The following BROX variants were observed in gnomAD, a reference collection of about 807,000 sequenced individuals.
BROX encodes the protein BRO1 domain and CAAX motif containing.
Under a neutral mutation model 61.0 loss-of-function variants are expected in BROX, and 53 were observed. The ratio of observed to expected loss-of-function variants is 0.87; its 90% CI spans 0.70 to 1.09. BROX has a LOEUF of 1.09. BROX is among the 50% of genes least tolerant of loss of function. The probability of loss-of-function intolerance (pLI) is 0.00; values close to 1 mark genes in which losing one functional copy is unlikely to be tolerated. For synonymous variants in BROX, 152 were observed against 160.2 expected (o/e 0.95, Z 0.38); for missense variants, 489 against 472.0 (o/e 1.04, Z -0.33).
chr1:222,718,877 T>C (rs1341861147), intron 2 of BROX, 48 bp from the exon 3 acceptor site: 6 of 1,458,120 alleles, frequency 4.1e-6, no homozygotes, highest in Non-Finnish European at 4.8e-6. Context: ...TTTATGTAGA[T>C]TGATTGCAGT....
At chr1:222,713,984 C>T (rs1458817715) in intron 1 of BROX, 2 of 152,172 alleles carry the variant, frequency 1.3e-5, no homozygotes, top group African/African-American at 4.8e-5. Flanking sequence ...ATAAAGGAAG[C>T]ACTTAATGTA....
chr1:222,723,813 G>A (rs554235741), intron 5 of BROX, among the ~76,000 whole-genome samples: 2 of 152,158 alleles, frequency 1.3e-5, no homozygotes, highest in East Asian at 3.9e-4. Context: ...CGAGTAGCTG[G>A]GATTACAGGT....
chr1:222,713,457 C>T, intron 1 of BROX: 2 of 983,990 alleles, frequency 2.0e-6, no homozygotes, highest in Non-Finnish European at 2.4e-6. Context: ...GGGTGGGGGT[C>T]CCTTGTTAGG....
chr1:222,717,983 G>A (rs1411971615), intron 2 of BROX: 1 of 152,096 alleles, frequency 6.6e-6, no homozygotes, highest in African/African-American at 2.4e-5. Context: ...TGTAATTTCG[G>A]AAGCCTCACT....
chr1:222,728,958 G>A, intron 9 of BROX, 130 bp downstream of exon 9: 4 of 577,610 alleles, frequency 6.9e-6, no homozygotes, highest in Non-Finnish European at 1.2e-5. Context: ...CTCAGTAAAT[G>A]TTCACTGAGA....
intron 2 of BROX, among the ~76,000 whole-genome samples, chr1:222,716,379 G>A (rs140406141): frequency 0.023 from 3,568 of 152,276 alleles, 74 homozygotes; most frequent in Middle Eastern, 0.048. Context: ...GATTACAGGC[G>A]TGAGCCACCA....
At chr1:222,722,611 G>T (rs1283424393) in intron 5 of BROX, 97 bp downstream of exon 5, 1 of 838,972 alleles carries the variant, frequency 1.2e-6, no homozygotes. Flanking sequence ...TACCACTTTG[G>T]ATGTTTGAAG....
At chr1:222,726,581 G>C (rs1422808771) in intron 7 of BROX, among the ~76,000 whole-genome samples, 1 of 152,176 alleles carries the variant, frequency 6.6e-6, no homozygotes, top group Admixed American at 6.5e-5. Context: ...GCTGGGCATG[G>C]TGGCGTATGC....
At chr1:222,716,824 C>G (rs1656659481) in intron 2 of BROX, among the ~76,000 whole-genome samples, 1 of 152,170 alleles carries the variant, frequency 6.6e-6, no homozygotes, top group African/African-American at 2.4e-5. Flanking sequence ...TCAGGAAAAC[C>G]TTTGTGCTAG....
intron 5 of BROX, 89 bp downstream of exon 5, chr1:222,722,603 C>G (rs1474798479): frequency 1.1e-6 from 1 of 931,750 alleles, no homozygotes; most frequent in African/African-American, 1.7e-5. Context: ...TTAAAAAGTA[C>G]CACTTTGGAT....
chr1:222,723,636 T>C (rs1350754936), intron 5 of BROX, among the ~76,000 whole-genome samples: 1 of 152,230 alleles, frequency 6.6e-6, no homozygotes, highest in African/African-American at 2.4e-5. Context: ...TAAACGTACA[T>C]TTCATATGCA....
chr1:222,713,730 T>C (rs1470553083), intron 1 of BROX: 1 of 150,580 alleles, frequency 6.6e-6, no homozygotes, highest in African/African-American at 2.4e-5. Context: ...TTAAAAGAAG[T>C]ATTTGTGGAA....
Position 222,732,960 on chromosome 1 carries a change from T to A in BROX, c.*246T>A, listed in dbSNP as rs1658049103. The A allele has an allele frequency of 4.8e-6, 2 of 414,612 alleles. No homozygotes were observed. The highest frequency in any genetic ancestry group is 8.5e-6 in the Non-Finnish European group (2 of 235,072). The allele number at this position is 414,612 out of a possible 1,614,324, so 25.7% of individuals were successfully genotyped here. The stretch of plus-strand genomic sequence containing the variant: ...TTTTATTGTGCCTCTAAAGGGTATA[T>A]TTGGGGGTTGGGTCTTTTTGTTAAA... On this transcript the variant is annotated 3_prime_UTR_variant, in exon 13 of 13. Transcript: ENST00000340934.
rs1657312253 is a variant in BROX, at chr1:222,724,093, A to G, written c.403A>G (p.Ile135Val). The change falls in exon 6 of 13, where the codon ATA (isoleucine) becomes GTA (valine). Residue 135 changes from isoleucine to valine, a missense_variant and splice_region_variant. Transcript: ENST00000340934. The part of the protein sequence containing the change: ...YASRLAGKEN[I>V]TEDEAKEVHR... ...ACTAATGTAACCCCTATCTTTAAGTATAACAGAAGATGAAGCAAAAGAAGT... is the reference window on the plus strand; with the variant it reads ...ACTAATGTAACCCCTATCTTTAAGTGTAACAGAAGATGAAGCAAAAGAAGT... 2.5e-6 allele frequency: 4 copies of G among 1,606,172 alleles called. No homozygotes were observed. The highest frequency in any genetic ancestry group is 2.6e-6 in the Non-Finnish European group (3 of 1,175,758).
intron 5 of BROX, 48 bp from the exon 6 acceptor site, chr1:222,724,044 A>G (rs909819778): frequency 1.5e-6 from 2 of 1,348,814 alleles, no homozygotes; most frequent in Non-Finnish European, 2.1e-6. Flanking sequence ...GTGTTTTAAT[A>G]CCAGAAATGG....
At chr1:222,732,185 T>G (rs1657985177) in intron 12 of BROX, among the ~76,000 whole-genome samples, 1 of 152,176 alleles carries the variant, frequency 6.6e-6, no homozygotes, top group Non-Finnish European at 1.5e-5. Context: ...CTGTCATAAG[T>G]TATGTCTAAG....
chr1:222,713,524 T>C, intron 1 of BROX: 1 of 846,950 alleles, frequency 1.2e-6, no homozygotes, highest in Non-Finnish European at 1.4e-6. Flanking sequence ...GAATGTTGTA[T>C]TGGTGGCTCT....
intron 10 of BROX, 71 bp downstream of exon 10, chr1:222,729,772 G>A: frequency 7.0e-7 from 1 of 1,425,294 alleles, no homozygotes; most frequent in East Asian, 2.4e-5. Flanking sequence ...GGGAATATAT[G>A]CTTAAAGAGA....
intron 4 of BROX, among the ~76,000 whole-genome samples, chr1:222,720,506 T>C (rs1478890858): frequency 6.6e-6 from 1 of 152,190 alleles, no homozygotes; most frequent in African/African-American, 2.4e-5. Context: ...TGCAACATTT[T>C]GATTCTGTGT....
Sources: gnomAD v4.1 joint callset for allele counts (sites outside exome capture counted in the v4.1 genomes callset) on GRCh38, gnomAD v4.1.1 for gene constraint, MANE v1.5 for transcripts, NCBI Gene and HGNC (gene_info 2026-07-23, HGNC 2026-07-21) for gene names.